Variants in STXBP6 observed in about 807,000 individuals in gnomAD.
STXBP6 encodes the protein syntaxin-binding protein 6.
STXBP6 carries 21 observed loss-of-function variants against 26.9 expected under a neutral mutation model. That is an observed-to-expected ratio of 0.78 (90% CI 0.55 to 1.12). STXBP6 has a LOEUF of 1.12. STXBP6 is among the 50% of genes most tolerant of loss of function. The pLI is 0.00. For synonymous variants in STXBP6, 97 were observed against 92.6 expected (o/e 1.05, Z -0.27); for missense variants, 232 against 257.9 (o/e 0.90, Z 0.69).
intron 4 of STXBP6, among the ~76,000 whole-genome samples, chr14:24,846,896 T>C (rs915382138): frequency 2.0e-5 from 3 of 152,324 alleles, no homozygotes; most frequent in South Asian, 2.1e-4. Flanking sequence ...TATCATATAA[T>C]GTGAACAAAA....
chr14:24,820,592 G>A (rs574802215), intron 4 of STXBP6, among the ~76,000 whole-genome samples: 1 of 152,260 alleles, frequency 6.6e-6, no homozygotes, highest in African/African-American at 2.4e-5. Context: ...TGAAAGGTCT[G>A]GGTCTTCAGA....
intron 4 of STXBP6, among the ~76,000 whole-genome samples, chr14:24,849,596 T>C (rs2069077711): frequency 6.6e-6 from 1 of 152,132 alleles, no homozygotes; most frequent in South Asian, 2.1e-4. Context: ...TCCTCATCTG[T>C]ACTTGGTGGA....
intron 2 of STXBP6, among the ~76,000 whole-genome samples, chr14:24,964,489 T>C (rs1185200052): frequency 2.6e-5 from 4 of 152,198 alleles, no homozygotes; most frequent in Non-Finnish European, 5.9e-5. Flanking sequence ...TCTCCCTCCC[T>C]GTCTCTTCTT....
At chr14:25,047,851 CAAG>C (rs2075749769) in intron 1 of STXBP6, among the ~76,000 whole-genome samples, 6 of 152,188 alleles carry the variant, frequency 3.9e-5, no homozygotes, top group African/African-American at 9.7e-5. Context: ...TATTAGAGGT[CAAG>C]TCAGAGCTCC....
Position 24,809,548 on chromosome 14 carries a change from G to T in STXBP6, c.*3161C>A, listed in dbSNP as rs2067764324. The T allele has an allele frequency of 6.6e-6, 1 of 152,102 alleles. No individual in the cohort carries two copies. The highest frequency in any genetic ancestry group is 2.4e-5 in the African/African-American group (1 of 41,408). The allele number at this position is 152,102 out of a possible 1,614,324, so 9.4% of individuals were successfully genotyped here. ...TCATCATGCTAATACTAGTTCTGAG[G>T]TTTCCCCTTAGGCACATAAGATTTT... On this transcript the variant is annotated 3_prime_UTR_variant, in exon 6 of 6. Transcript: ENST00000323944.
chr14:24,885,549 C>T (rs1441856532), intron 2 of STXBP6, among the ~76,000 whole-genome samples: 5 of 152,208 alleles, frequency 3.3e-5, no homozygotes, highest in Non-Finnish European at 5.9e-5. Flanking sequence ...GAAGAGCAAA[C>T]ATGACCCAAA....
At chr14:24,990,612 C>G (rs1209013349) in intron 1 of STXBP6, among the ~76,000 whole-genome samples, 1 of 140,616 alleles carries the variant, frequency 7.1e-6, no homozygotes, top group Non-Finnish European at 1.5e-5. Context: ...GAGTCGAGAT[C>G]ATGCCATTGC....
chr14:25,047,926 T>C (rs989843723), intron 1 of STXBP6, among the ~76,000 whole-genome samples: 4 of 152,246 alleles, frequency 2.6e-5, no homozygotes, highest in African/African-American at 9.6e-5. Context: ...TTTCTGACCG[T>C]GCCAATTCTG....
intron 2 of STXBP6, among the ~76,000 whole-genome samples, chr14:24,900,480 C>T (rs768180229): frequency 6.6e-6 from 1 of 152,180 alleles, no homozygotes; most frequent in Non-Finnish European, 1.5e-5. Flanking sequence ...TAATCTATCA[C>T]GAAGTCCAAA....
At chr14:24,933,778 A>G (rs913899874) in intron 2 of STXBP6, among the ~76,000 whole-genome samples, 3 of 152,148 alleles carry the variant, frequency 2.0e-5, no homozygotes, top group Admixed American at 6.5e-5. Context: ...GCAGTTTTCA[A>G]TTGTATCCTA....
At chr14:24,829,043 G>A (rs2068374614) in intron 4 of STXBP6, among the ~76,000 whole-genome samples, 1 of 152,126 alleles carries the variant, frequency 6.6e-6, no homozygotes, top group South Asian at 2.1e-4. Context: ...ATCACCTTGG[G>A]AGAATAAACC....
chr14:24,845,075 G>C (rs1326630600), intron 4 of STXBP6, among the ~76,000 whole-genome samples: 1 of 150,928 alleles, frequency 6.6e-6, no homozygotes, highest in Non-Finnish European at 1.5e-5. Context: ...GCAGTGGCGT[G>C]ATCTCAGCTC....
At chr14:24,915,376 T>G (rs1041854250) in intron 2 of STXBP6, among the ~76,000 whole-genome samples, 8 of 152,154 alleles carry the variant, frequency 5.3e-5, no homozygotes, top group African/African-American at 1.4e-4. Context: ...CATGGATTGT[T>G]TCACTACTGA....
At chr14:24,981,227 C>T (rs17109406) in intron 1 of STXBP6, among the ~76,000 whole-genome samples, 17,381 of 152,092 alleles carry the variant, frequency 0.11, 1,078 homozygotes, top group African/African-American at 0.14. Context: ...ATATATCTTC[C>T]AAAGTTTGCT....
intron 2 of STXBP6, among the ~76,000 whole-genome samples, chr14:24,890,405 A>C (rs972807427): frequency 2.0e-5 from 3 of 152,246 alleles, no homozygotes; most frequent in African/African-American, 7.2e-5. Flanking sequence ...ATAACAAAGT[A>C]CCGAACAACA....
At chr14:24,897,916 C>G (rs12895085) in intron 2 of STXBP6, among the ~76,000 whole-genome samples, 51,139 of 151,980 alleles carry the variant, frequency 0.34, 8,693 homozygotes, top group African/African-American at 0.41. Context: ...GTTGTTGCCT[C>G]CTGGTCCCCT....
intron 2 of STXBP6, among the ~76,000 whole-genome samples, chr14:24,965,498 A>G (rs995389785): frequency 1.3e-5 from 2 of 152,000 alleles, no homozygotes; most frequent in Admixed American, 1.3e-4. Context: ...TGTGGCAAGA[A>G]CCATTAGTGG....
chr14:24,857,292 A>C, intron 2 of STXBP6, 135 bp from the exon 3 acceptor site: 3 of 1,104,208 alleles, frequency 2.7e-6, no homozygotes, highest in Non-Finnish European at 3.9e-6. Context: ...AAAGGAGGGA[A>C]TATGAATAAA....
intron 1 of STXBP6, among the ~76,000 whole-genome samples, chr14:25,046,462 T>A (rs1410167770): frequency 6.6e-6 from 1 of 152,228 alleles, no homozygotes; most frequent in Non-Finnish European, 1.5e-5. Flanking sequence ...TAGGTTTCTC[T>A]AGTGCTAATC....
Sources: gnomAD v4.1 joint callset for allele counts (sites outside exome capture counted in the v4.1 genomes callset) on GRCh38, gnomAD v4.1.1 for gene constraint, MANE v1.5 for transcripts, NCBI Gene and HGNC (gene_info 2026-07-23, HGNC 2026-07-21) for gene names.